Variants in NTRK1 observed in about 807,000 individuals in gnomAD.
The protein encoded by NTRK1 is high affinity nerve growth factor receptor.
Under a neutral mutation model 86.8 loss-of-function variants are expected in NTRK1, and 62 were observed. The ratio of observed to expected loss-of-function variants is 0.71; its 90% CI spans 0.58 to 0.88. The LOEUF is 0.88. Ranked by LOEUF, NTRK1 falls within the 40% of genes least tolerant of loss-of-function variation. The pLI is 0.00. For synonymous variants in NTRK1, 469 were observed against 456.6 expected (o/e 1.03, Z -0.35); for missense variants, 967 against 1,078.4 (o/e 0.90, Z 1.45).
intron 2 of NTRK1, chr1:156,846,558 C>T: frequency 6.2e-7 from 1 of 1,614,194 alleles, no homozygotes; most frequent in Non-Finnish European, 8.5e-7. Flanking sequence ...GGACTCTGGG[C>T]TCCTTGATGA....
At chr1:156,874,714 G>A in intron 10 of NTRK1, 88 bp downstream of exon 10, 1 of 1,417,124 alleles carries the variant, frequency 7.1e-7, no homozygotes, top group East Asian at 2.4e-5. Flanking sequence ...GTCAGAGCAG[G>A]GAGATCACTA....
chr1:156,880,779 C>T (rs1648213674), intron 16 of NTRK1, among the ~76,000 whole-genome samples: 1 of 152,202 alleles, frequency 6.6e-6, no homozygotes, highest in South Asian at 2.1e-4. Flanking sequence ...GGAATTAGTG[C>T]CGCCCATAAC....
chr1:156,849,371 A>T, intron 2 of NTRK1: 5 of 1,613,768 alleles, frequency 3.1e-6, no homozygotes, highest in Non-Finnish European at 4.2e-6. Context: ...GGCGAAGTAG[A>T]TCTTGCCCAC....
At chr1:156,841,657 G>A (rs201428101) in intron 1 of NTRK1, 1,080 of 1,613,200 alleles carry the variant, frequency 6.7e-4, no homozygotes, top group Non-Finnish European at 8.6e-4. Flanking sequence ...GCTCCAGCTC[G>A]GCCCCACCAG....
chr1:156,840,787 G>C, intron 1 of NTRK1: 1 of 1,031,952 alleles, frequency 9.7e-7, no homozygotes. Context: ...AGTTGGGGTG[G>C]GGGTGAACAT....
At chr1:156,879,917 T>C (rs1648153873) in intron 15 of NTRK1, 82 bp from the exon 16 acceptor site, 2 of 1,567,266 alleles carry the variant, frequency 1.3e-6, no homozygotes, top group Non-Finnish European at 1.7e-6. Flanking sequence ...TATTTATTTT[T>C]AATGATGGGG....
rs768392727 is a variant in NTRK1, at chr1:156,877,421, G to A, written c.1805+849G>A. On this transcript the variant is annotated intron_variant, in intron 14 of 16. Transcript: ENST00000524377. Reference sequence around the variant, plus strand: ...GTGCCTGTTTCACAGATAAGGCTTAGAGAGGTTCAGTGACTTGCCCAAGGG... The same window carrying A: ...GTGCCTGTTTCACAGATAAGGCTTAAAGAGGTTCAGTGACTTGCCCAAGGG... Among the ~76,000 whole-genome samples the A allele has an allele frequency of 7.4e-4, 112 of 152,350 alleles. 3 individuals are homozygous for A. The highest frequency in any genetic ancestry group is 8.3e-4 in the South Asian group (4 of 4,826).
chr1:156,876,055 C>T (rs762858812), intron 12 of NTRK1, 25 bp from the exon 13 acceptor site: 31 of 1,614,002 alleles, frequency 1.9e-5, no homozygotes, highest in Admixed American at 1.5e-4. Flanking sequence ...CTGGGGCTAC[C>T]GTCTGACCCT....
chr1:156,863,825 G>T (rs1655797183), intron 1 of NTRK1, among the ~76,000 whole-genome samples: 2 of 152,296 alleles, frequency 1.3e-5, no homozygotes, highest in South Asian at 4.1e-4. Flanking sequence ...TTTTGTGGTA[G>T]CAAGTGTTTC....
At chr1:156,879,882 A>G in intron 15 of NTRK1, 117 bp from the exon 16 acceptor site, 2 of 1,320,312 alleles carry the variant, frequency 1.5e-6, no homozygotes, top group East Asian at 2.4e-5. Context: ...TGCTGGGATT[A>G]CAGGCGTGAA....
intron 4 of NTRK1, among the ~76,000 whole-genome samples, 168 bp downstream of exon 4, chr1:156,867,146 G>C (rs931655665): frequency 2.0e-5 from 3 of 152,256 alleles, no homozygotes; most frequent in Non-Finnish European, 4.4e-5. Context: ...GGGGCTGCAG[G>C]ACTACCCGTT....
intron 1 of NTRK1, among the ~76,000 whole-genome samples, chr1:156,831,466 G>T (rs1008459477): frequency 2.0e-5 from 3 of 152,238 alleles, no homozygotes; most frequent in African/African-American, 7.2e-5. Context: ...TGTGTCAGGT[G>T]ACCATGTGTC....
intron 1 of NTRK1, chr1:156,837,874 C>G (rs1654635691): frequency 1.3e-5 from 2 of 152,220 alleles, no homozygotes; most frequent in South Asian, 4.1e-4. Flanking sequence ...TGGTACTCTT[C>G]CATCCAAGCT....
At chr1:156,848,097 C>G (rs750920508) in intron 2 of NTRK1, among the ~76,000 whole-genome samples, 1 of 151,586 alleles carries the variant, frequency 6.6e-6, no homozygotes, top group African/African-American at 2.4e-5. Context: ...CTGTATTTAA[C>G]AAACTCTCCA....
intron 1 of NTRK1, among the ~76,000 whole-genome samples, chr1:156,831,439 C>T (rs1052610546): frequency 6.6e-6 from 1 of 152,154 alleles, no homozygotes; most frequent in Non-Finnish European, 1.5e-5. Flanking sequence ...GATGGAGCCC[C>T]GCAGCAGCTG....
intron 1 of NTRK1, among the ~76,000 whole-genome samples, chr1:156,820,339 C>T (rs1162548301): frequency 2.0e-5 from 3 of 152,212 alleles, no homozygotes; most frequent in African/African-American, 4.8e-5. Flanking sequence ...CTCAACCTCC[C>T]GGGCTCAAGT....
chr1:156,828,148 T>A (rs1654372698), intron 1 of NTRK1, among the ~76,000 whole-genome samples: 1 of 152,152 alleles, frequency 6.6e-6, no homozygotes, highest in Non-Finnish European at 1.5e-5. Flanking sequence ...TATAAGGCCA[T>A]TTGCAATTGT....
intron 2 of NTRK1, among the ~76,000 whole-genome samples, chr1:156,848,623 C>A (rs1324345044): frequency 2.0e-5 from 3 of 152,200 alleles, no homozygotes. Flanking sequence ...CAGTGTAGAA[C>A]ATTAGCATAA....
intron 1 of NTRK1, chr1:156,815,896 A>G: frequency 6.2e-7 from 1 of 1,613,278 alleles, no homozygotes; most frequent in Non-Finnish European, 8.5e-7. Flanking sequence ...GACCCGGATC[A>G]TTCCTGCCTT....
Sources: gnomAD v4.1 joint callset for allele counts (sites outside exome capture counted in the v4.1 genomes callset) on GRCh38, gnomAD v4.1.1 for gene constraint, MANE v1.5 for transcripts, NCBI Gene and HGNC (gene_info 2026-07-23, HGNC 2026-07-21) for gene names.